Variants in NOS1AP observed in about 807,000 individuals in gnomAD.
NOS1AP encodes the protein nitric oxide synthase 1 adaptor protein, also known as carboxyl-terminal PDZ ligand of neuronal nitric oxide synthase protein.
In NOS1AP, 21 loss-of-function variants were observed where a neutral mutation model predicts 56.2. The observed-to-expected ratio is 0.37, with a 90% CI of 0.26 to 0.54. NOS1AP has a LOEUF of 0.54. NOS1AP is among the 20% of genes least tolerant of loss of function. The probability of loss-of-function intolerance (pLI) is 0.84; values close to 1 mark genes in which losing one functional copy is unlikely to be tolerated. For synonymous variants in NOS1AP, 270 were observed against 274.6 expected (o/e 0.98, Z 0.17); for missense variants, 522 against 657.8 (o/e 0.79, Z 2.26).
At chr1:162,261,398 T>C (rs1470237900) in intron 2 of NOS1AP, among the ~76,000 whole-genome samples, 9 of 128,708 alleles carry the variant, frequency 7.0e-5, no homozygotes, top group African/African-American at 2.8e-4. Flanking sequence ...AGATGGGAGA[T>C]TACCCTGCAT....
chr1:162,280,515 C>T (rs796793243), intron 2 of NOS1AP, among the ~76,000 whole-genome samples: 37 of 152,270 alleles, frequency 2.4e-4, no homozygotes, highest in African/African-American at 8.4e-4. Context: ...AACTTTTGGC[C>T]GTACTTCTGA....
chr1:162,255,141 A>G (rs966934548), intron 2 of NOS1AP, among the ~76,000 whole-genome samples: 3 of 152,102 alleles, frequency 2.0e-5, no homozygotes, highest in Admixed American at 6.6e-5. Context: ...AGGAGAGTTA[A>G]TTAGCATCTG....
At chr1:162,256,451 A>G (rs1412844981) in intron 2 of NOS1AP, among the ~76,000 whole-genome samples, 2 of 152,150 alleles carry the variant, frequency 1.3e-5, no homozygotes, top group South Asian at 2.1e-4. Flanking sequence ...TTGTTGGCCA[A>G]TCCCCGCACC....
At chr1:162,323,992 C>T (rs998570601) in intron 4 of NOS1AP, among the ~76,000 whole-genome samples, 6 of 152,284 alleles carry the variant, frequency 3.9e-5, no homozygotes, top group African/African-American at 1.4e-4. Flanking sequence ...TATTTGCTGG[C>T]TTGAAAGCAA....
At chr1:162,359,374 C>T in intron 8 of NOS1AP, among the ~76,000 whole-genome samples, 1 of 152,186 alleles carries the variant, frequency 6.6e-6, no homozygotes, top group East Asian at 1.9e-4. Flanking sequence ...TACTCCTGTA[C>T]CTCTGTCTGC....
chr1:162,277,565 C>G (rs886948595), intron 2 of NOS1AP, among the ~76,000 whole-genome samples: 5 of 152,168 alleles, frequency 3.3e-5, no homozygotes, highest in Admixed American at 2.6e-4. Context: ...TCTTGCTCAT[C>G]ATGTTAGAAA....
In NOS1AP at chr1:162,174,717, T is replaced by C. The variant is rs180874943; in HGVS notation, c.177+20241T>C. ...AGTATGGTACAGTTGTTAGAATTAATGAACTGATATTGATATATTCTTATT... is the reference window on the plus strand; with the variant it reads ...AGTATGGTACAGTTGTTAGAATTAACGAACTGATATTGATATATTCTTATT... On this transcript the variant is annotated intron_variant, in intron 2 of 9. Coordinates refer to ENST00000361897, the MANE Select transcript of NOS1AP (RefSeq NM_014697.3). Among the ~76,000 whole-genome samples the C allele has an allele frequency of 5.9e-5, 9 of 152,346 alleles. No individual in the cohort carries two copies. The East Asian group carries it at 1.3e-3, about 23-fold the overall frequency.
intron 3 of NOS1AP, among the ~76,000 whole-genome samples, chr1:162,295,231 G>A (rs1404395997): frequency 6.6e-6 from 1 of 152,116 alleles, no homozygotes; most frequent in African/African-American, 2.4e-5. Context: ...AACTGAAAAT[G>A]TCCTCATTTC....
chr1:162,287,384 G>T lies in NOS1AP; in HGVS notation c.218G>T (p.Ser73Ile). ...KAKNIKKKKV[S>I]IMVSVDGVKV... is the part of the protein sequence containing the mutation. ...AAGAACATCAAGAAGAAGAAAGTGA[G>T]CATTATGGTTTCAGTGGATGGAGTG... The change falls in exon 3 of 10, where the codon AGC becomes ATC. Residue 73 changes from serine to isoleucine, a missense_variant. Ser to Ile is a moderately radical substitution (Grantham distance 142). Around this residue, in one of 4 missense-constraint regions of NOS1AP, gnomAD observed 132 missense variants for 218.1 expected, o/e 0.61. Coordinates refer to ENST00000361897, the MANE Select transcript of NOS1AP (RefSeq NM_014697.3). 3 of 1,613,682 alleles carry T rather than the reference G, an allele frequency of 1.9e-6. No homozygotes were observed. The highest frequency in any genetic ancestry group is 2.5e-6 in the Non-Finnish European group (3 of 1,179,642).
chr1:162,358,824 G>A (rs901582115), intron 8 of NOS1AP, among the ~76,000 whole-genome samples: 3 of 152,194 alleles, frequency 2.0e-5, no homozygotes, highest in Non-Finnish European at 2.9e-5. Context: ...TTCATGATAT[G>A]ATTTTATCAG....
chr1:162,335,572 G>A (rs146868769), intron 5 of NOS1AP, among the ~76,000 whole-genome samples: 131 of 152,270 alleles, frequency 8.6e-4, no homozygotes, highest in Middle Eastern at 3.4e-3. Context: ...AGTGGTGGGC[G>A]GGGGGAAAGG....
chr1:162,070,697 G>A (rs2102005924), intron 1 of NOS1AP, among the ~76,000 whole-genome samples: 1 of 152,194 alleles, frequency 6.6e-6, no homozygotes, highest in East Asian at 1.9e-4. Context: ...CTTTCAGGAA[G>A]GTCTTTTAAA....
chr1:162,271,732 C>T (rs1205533033), intron 2 of NOS1AP, among the ~76,000 whole-genome samples: 2 of 151,594 alleles, frequency 1.3e-5, no homozygotes, highest in African/African-American at 2.4e-5. Context: ...TAAAAGAATA[C>T]CATAGACTGG....
intron 4 of NOS1AP, among the ~76,000 whole-genome samples, chr1:162,315,281 C>G (rs1390341146): frequency 6.6e-6 from 1 of 152,196 alleles, no homozygotes; most frequent in African/African-American, 2.4e-5. Flanking sequence ...CCTGACAAAC[C>G]TTTAATATTA....
At chr1:162,258,906 T>C (rs1654119058) in intron 2 of NOS1AP, among the ~76,000 whole-genome samples, 2 of 152,134 alleles carry the variant, frequency 1.3e-5, no homozygotes, top group Non-Finnish European at 2.9e-5. Context: ...AGGGTTCACA[T>C]TGTAGGTGGG....
intron 4 of NOS1AP, among the ~76,000 whole-genome samples, chr1:162,324,152 C>CG (rs1553206020): frequency 3.3e-5 from 5 of 152,126 alleles, no homozygotes; most frequent in African/African-American, 1.2e-4. Flanking sequence ...TGTCTCTGAG[C>CG]ACAACCCTCA....
At chr1:162,092,135 C>T (rs148099331) in intron 1 of NOS1AP, among the ~76,000 whole-genome samples, 4 of 152,330 alleles carry the variant, frequency 2.6e-5, no homozygotes, top group African/African-American at 7.2e-5. Context: ...GGCCACATTC[C>T]AGTCTCTCAA....
chr1:162,139,511 T>A (rs549537543), intron 1 of NOS1AP, among the ~76,000 whole-genome samples: 1 of 152,260 alleles, frequency 6.6e-6, no homozygotes, highest in East Asian at 1.9e-4. Flanking sequence ...AGAATTTTGC[T>A]TTGTTGAATG....
intron 3 of NOS1AP, among the ~76,000 whole-genome samples, chr1:162,297,629 A>G (rs1293147135): frequency 1.3e-5 from 2 of 152,154 alleles, no homozygotes; most frequent in Non-Finnish European, 2.9e-5. Context: ...TGTTAAAGCT[A>G]CAGATTATGG....
Sources: allele counts gnomAD v4.1 joint callset (sites outside exome capture counted in the v4.1 genomes callset), GRCh38; gene constraint gnomAD v4.1.1; regional missense constraint gnomAD v4.1.1; transcripts MANE v1.5; gene names NCBI Gene and HGNC (gene_info 2026-07-23, HGNC 2026-07-21).